The following ENOX2 variants were observed in gnomAD, a reference collection of about 807,000 sequenced individuals.
ENOX2 encodes APK1 antigen.
A neutral mutation model predicts 45.0 loss-of-function variants in ENOX2; 36 were observed. The observed-to-expected ratio is 0.80, with a 90% CI of 0.61 to 1.06. ENOX2 has a LOEUF of 1.06. Among genes scored for constraint, ENOX2 ranks in the 50% least tolerant of loss-of-function variants. ENOX2 has a pLI of 0.00. For synonymous variants in ENOX2, 174 were observed against 152.3 expected (o/e 1.14, Z -1.05); for missense variants, 423 against 462.5 (o/e 0.91, Z 0.78).
chrX:130,859,938 G>A (rs1357739803), intron 2 of ENOX2, among the ~76,000 whole-genome samples: 2 of 110,409 alleles, frequency 1.8e-5, no homozygotes, highest in African/African-American at 3.3e-5. Flanking sequence ...TTTCTTTGCC[G>A]GTTCCTTGTC....
At chrX:130,665,515 T>C (rs1474417675) in intron 9 of ENOX2, 128 bp downstream of exon 9, 2 of 482,317 alleles carry the variant, frequency 4.1e-6, no homozygotes, top group Admixed American at 3.0e-5. Context: ...TATCTTAGTG[T>C]TTCATTAGGG....
intron 3 of ENOX2, among the ~76,000 whole-genome samples, chrX:130,779,220 T>C (rs2039922522): frequency 8.9e-6 from 1 of 112,198 alleles, no homozygotes; most frequent in Non-Finnish European, 1.9e-5. Flanking sequence ...CTTAGACAAT[T>C]TGTACAGCTA....
intron 3 of ENOX2, among the ~76,000 whole-genome samples, chrX:130,709,862 C>T (rs1179984796): frequency 4.6e-5 from 5 of 108,233 alleles, no homozygotes; most frequent in Admixed American, 9.9e-5. Flanking sequence ...GTTTGCTGCA[C>T]CCATCAAGCC....
chrX:130,711,702 C>G (rs990357593), intron 3 of ENOX2, among the ~76,000 whole-genome samples: 1 of 111,555 alleles, frequency 9.0e-6, no homozygotes, highest in Admixed American at 9.5e-5. Context: ...AGATGAGAAT[C>G]TCAGCATAGC....
At chrX:130,725,838 T>A (rs2038592191) in intron 3 of ENOX2, among the ~76,000 whole-genome samples, 1 of 111,484 alleles carries the variant, frequency 9.0e-6, no homozygotes, top group Non-Finnish European at 1.9e-5. Context: ...TAGACACCAG[T>A]TGCAAAGCTC....
chrX:130,898,493 CGT>C (rs966089547), intron 2 of ENOX2, among the ~76,000 whole-genome samples: 13 of 108,860 alleles, frequency 1.2e-4, no homozygotes, highest in African/African-American at 4.3e-4. Flanking sequence ...TGTGCGTGTG[CGT>C]GTGTGTGTGC....
intron 3 of ENOX2, among the ~76,000 whole-genome samples, chrX:130,717,129 T>C (rs2038351382): frequency 8.9e-6 from 1 of 112,169 alleles, no homozygotes; most frequent in Admixed American, 9.5e-5. Context: ...CTGGGAGTAT[T>C]TGCTTATCCA....
chrX:130,652,692 G>A (rs915433304), intron 10 of ENOX2, among the ~76,000 whole-genome samples: 1 of 112,138 alleles, frequency 8.9e-6, no homozygotes, highest in African/African-American at 3.2e-5. Flanking sequence ...ATTACAATGA[G>A]GTCATTATGA....
chrX:130,782,117 T>TACACAC (rs2076906454), intron 3 of ENOX2, among the ~76,000 whole-genome samples: 1 of 111,685 alleles, frequency 9.0e-6, no homozygotes, highest in Non-Finnish European at 1.9e-5. Flanking sequence ...TTTATACACA[T>TACACAC]ACACACATAT....
chrX:130,677,057 A>T (rs1885377486), intron 6 of ENOX2, among the ~76,000 whole-genome samples: 1 of 111,841 alleles, frequency 8.9e-6, no homozygotes, highest in Admixed American at 9.4e-5. Flanking sequence ...GCCAAAGCTT[A>T]CCACCTTTGT....
intron 2 of ENOX2, among the ~76,000 whole-genome samples, chrX:130,873,938 A>C (rs2078648569): frequency 9.0e-6 from 1 of 110,789 alleles, no homozygotes; most frequent in African/African-American, 3.3e-5. Context: ...AGAAATACCT[A>C]ATGTAGATGA....
chrX:130,623,321 TA>T lies in ENOX2; in HGVS notation c.*1992del, dbSNP rs1238864032. The T allele has an allele frequency of 1.8e-5, 2 of 111,460 alleles. No homozygotes were observed. Among genetic ancestry groups the T allele is most frequent in the Non-Finnish European group, 3.8e-5 (2 of 53,140 alleles). 9.2% of individuals were successfully genotyped at this position (111,460 alleles called of 1,213,427 possible). ...TATTTAGGTGTGGCAGCTGTTGCTT[TA>T]AAAATTTTTTTTAATGTATTAATAT... On this transcript the variant is annotated 3_prime_UTR_variant, in exon 15 of 15. Coordinates refer to ENST00000394363, the MANE Select transcript of ENOX2 (RefSeq NM_006375.4).
At chrX:130,756,373 C>G (rs969799295) in intron 3 of ENOX2, among the ~76,000 whole-genome samples, 1 of 112,028 alleles carries the variant, frequency 8.9e-6, no homozygotes, top group African/African-American at 3.2e-5. Context: ...TGAAGACTGT[C>G]TAGGATGTCA....
At chrX:130,633,951 G>C (rs187538269) in intron 12 of ENOX2, among the ~76,000 whole-genome samples, 99 of 112,497 alleles carry the variant, frequency 8.8e-4, no homozygotes, top group African/African-American at 3.1e-3. Context: ...AAACTGGAAA[G>C]TGAGTTGGTT....
intron 3 of ENOX2, among the ~76,000 whole-genome samples, 186 bp from the exon 4 acceptor site, chrX:130,703,440 C>T (rs1444311924): frequency 1.8e-5 from 2 of 111,570 alleles, no homozygotes; most frequent in African/African-American, 6.5e-5. Flanking sequence ...GGCAGGAAGT[C>T]ATGGAATTTG....
rs772914759 is a variant in ENOX2 at position 130,826,951 on chromosome X, T to C, written c.-182-43261A>G. On this transcript the variant is annotated intron_variant, in intron 2 of 14. Coordinates refer to ENST00000394363, the MANE Select transcript of ENOX2 (RefSeq NM_006375.4). ...ACACAACTCTACTAAATAGAGTAAC[T>C]AACCCAGCCAAAATGCAGAAACTTG... is the stretch of plus-strand genomic sequence containing the variant. Among the ~76,000 whole-genome samples, 3 of 111,670 alleles carry C rather than the reference T, an allele frequency of 2.7e-5. No homozygotes were observed. In the East Asian group the frequency reaches 8.4e-4, roughly 31 times the overall value.
intron 3 of ENOX2, among the ~76,000 whole-genome samples, chrX:130,767,518 T>C (rs776563033): frequency 1.8e-5 from 2 of 112,226 alleles, no homozygotes; most frequent in East Asian, 2.8e-4. Context: ...GTACCTACTA[T>C]GCATGTAGCA....
intron 4 of ENOX2, among the ~76,000 whole-genome samples, chrX:130,690,365 C>T (rs968833618): frequency 9.0e-6 from 1 of 111,628 alleles, no homozygotes; most frequent in Non-Finnish European, 1.9e-5. Flanking sequence ...GCCCCACTTG[C>T]CTGGATCTAA....
intron 9 of ENOX2, among the ~76,000 whole-genome samples, chrX:130,662,512 C>A (rs1464699891): frequency 9.0e-6 from 1 of 111,502 alleles, no homozygotes; most frequent in Non-Finnish European, 1.9e-5. Context: ...AGCTTGGATG[C>A]CTAGGTCAAA....
Sources: allele counts gnomAD v4.1 joint callset (sites outside exome capture counted in the v4.1 genomes callset), GRCh38; gene constraint gnomAD v4.1.1; transcripts MANE v1.5; gene names NCBI Gene and HGNC (gene_info 2026-07-23, HGNC 2026-07-21).